The following TCF4 variants were observed in gnomAD, a reference collection of about 807,000 sequenced individuals.
TCF4 encodes the protein SL3-3 enhancer factor 2.
Under a neutral mutation model 82.1 loss-of-function variants are expected in TCF4, and 3 were observed. The observed-to-expected ratio is 0.04, with a 90% CI of 0.02 to 0.09. The LOEUF (loss-of-function observed/expected upper bound fraction) is 0.09, where lower values mean the gene tolerates loss of function less well. Ranked by LOEUF, TCF4 falls within the 10% of genes least tolerant of loss-of-function variation. The probability of loss-of-function intolerance (pLI) is 1.00; values close to 1 mark genes in which losing one functional copy is unlikely to be tolerated. For missense variants in TCF4, 518 were observed against 852.7 expected (o/e 0.61, Z 4.89); for synonymous variants, 276 against 309.6 (o/e 0.89, Z 1.14).
chr18:55,252,544 C>T (rs932874937), intron 15 of TCF4, among the ~76,000 whole-genome samples: 11 of 152,184 alleles, frequency 7.2e-5, no homozygotes, highest in African/African-American at 2.6e-4. Context: ...ACCTCTGAAT[C>T]TGACTCAAAA....
intron 3 of TCF4, among the ~76,000 whole-genome samples, chr18:55,485,257 T>C (rs980905909): frequency 5.3e-5 from 8 of 152,214 alleles, no homozygotes; most frequent in African/African-American, 1.9e-4. Context: ...CATTTCCCTA[T>C]GTTTAAGTCC....
Position 55,279,589 on chromosome 18 carries a change from G to A in TCF4, c.617C>T (p.Pro206Leu), listed in dbSNP as rs375899327. 6.2e-7 allele frequency: 1 copy of A among 1,613,874 alleles called. No homozygotes were observed. The highest frequency in any genetic ancestry group is 8.5e-7 in the Non-Finnish European group (1 of 1,179,918). The change falls in exon 9 of 20, where the codon CCA becomes CTA. Residue 206 changes from proline (P) to leucine (L), a missense_variant. Physicochemically the swap from Pro to Leu is moderately conservative, Grantham distance 98 (BLOSUM62 -3). Coordinates refer to ENST00000354452, the MANE Select transcript of TCF4 (RefSeq NM_001083962.2). ...RDSPGYPSSK[P>L]ATSTFPSSFF... ...GGAGCTAGGGAAAGTGCTGGTTGCT[G>A]GTTTGGAGGAAGGATAGCCTGGCGA... is the stretch of plus-strand genomic sequence containing the variant.
intron 2 of TCF4, among the ~76,000 whole-genome samples, chr18:55,603,002 A>C (rs2097698752): frequency 6.6e-6 from 1 of 152,204 alleles, no homozygotes; most frequent in Non-Finnish European, 1.5e-5. Context: ...TCCCCATTCA[A>C]TTCAAGATGA....
At chr18:55,249,335 C>CA (rs2054292649) in intron 15 of TCF4, among the ~76,000 whole-genome samples, 1 of 152,080 alleles carries the variant, frequency 6.6e-6, no homozygotes, top group Non-Finnish European at 1.5e-5. Flanking sequence ...CAAAGTAAAA[C>CA]AAAAATTGTT....
chr18:55,379,769 C>T (rs567849247), intron 6 of TCF4, among the ~76,000 whole-genome samples: 12 of 152,190 alleles, frequency 7.9e-5, no homozygotes, highest in Non-Finnish European at 1.5e-4. Context: ...TAACAAAATA[C>T]GAAAGACTGG....
intron 8 of TCF4, among the ~76,000 whole-genome samples, chr18:55,343,260 T>A (rs892851628): frequency 2.6e-5 from 4 of 152,144 alleles, no homozygotes; most frequent in Non-Finnish European, 5.9e-5. Context: ...GGCAACACAC[T>A]GAGAAATTTT....
intron 5 of TCF4, among the ~76,000 whole-genome samples, chr18:55,412,243 T>A (rs2094376687): frequency 6.6e-6 from 1 of 152,144 alleles, no homozygotes. Flanking sequence ...CAAGGACTTG[T>A]TGATCCCCAA....
chr18:55,290,033 T>G (rs529419675), intron 8 of TCF4, among the ~76,000 whole-genome samples: 123 of 152,286 alleles, frequency 8.1e-4, no homozygotes, highest in Middle Eastern at 3.4e-3. Flanking sequence ...AAGAATAACA[T>G]CATAACACAG....
intron 3 of TCF4, among the ~76,000 whole-genome samples, chr18:55,536,083 C>A (rs542165953): frequency 2.0e-5 from 3 of 152,072 alleles, no homozygotes; most frequent in African/African-American, 7.2e-5. Context: ...ACTAAAGTTG[C>A]GTTATTTTTC....
chr18:55,371,473 A>G (rs2089141638), intron 6 of TCF4, among the ~76,000 whole-genome samples: 1 of 152,162 alleles, frequency 6.6e-6, no homozygotes, highest in Admixed American at 6.5e-5. Context: ...TAAAGAAATC[A>G]TGCCTGTGGA....
intron 8 of TCF4, among the ~76,000 whole-genome samples, chr18:55,317,614 A>G (rs1020180917): frequency 6.6e-6 from 1 of 152,050 alleles, no homozygotes; most frequent in Admixed American, 6.5e-5. Flanking sequence ...TTTTTATCTT[A>G]GCACTTCCTG....
At chr18:55,372,547 G>A (rs1203295359) in intron 6 of TCF4, among the ~76,000 whole-genome samples, 1 of 151,960 alleles carries the variant, frequency 6.6e-6, no homozygotes, top group Non-Finnish European at 1.5e-5. Context: ...TCAAAAAGGT[G>A]AGCTAACTAC....
In TCF4 at chr18:55,224,235, T is replaced by C. The variant is rs1346241752; in HGVS notation, c.*3800A>G. The C allele has an allele frequency of 6.6e-6, 1 of 152,170 alleles. No homozygotes were observed. The highest frequency in any genetic ancestry group is 1.9e-4 in the East Asian group (1 of 5,186). The allele number at this position is 152,170 out of a possible 1,614,324, so 9.4% of individuals were successfully genotyped here. Reference sequence around the variant, plus strand: ...CAAGAATGAAAAAGGCCACAGTTCATATATTTTCACCATTACATATGTCTA... The same window carrying C: ...CAAGAATGAAAAAGGCCACAGTTCACATATTTTCACCATTACATATGTCTA... On this transcript the variant is annotated 3_prime_UTR_variant, in exon 20 of 20. Transcript: ENST00000354452.
intron 3 of TCF4, among the ~76,000 whole-genome samples, chr18:55,552,318 T>C (rs2097267104): frequency 6.6e-6 from 1 of 152,236 alleles, no homozygotes; most frequent in Admixed American, 6.5e-5. Context: ...AGGTCATTAA[T>C]ATATAATACA....
At chr18:55,597,666 C>CA (rs1044304302) in intron 2 of TCF4, among the ~76,000 whole-genome samples, 109 of 127,004 alleles carry the variant, frequency 8.6e-4, no homozygotes, top group East Asian at 2.0e-3. Context: ...GACTCTGTCT[C>CA]AAAAAAAAAA....
chr18:55,495,323 A>G (rs72930784), intron 3 of TCF4, among the ~76,000 whole-genome samples: 5,085 of 152,128 alleles, frequency 0.033, 112 homozygotes, highest in Non-Finnish European at 0.052. Flanking sequence ...AAAAAAAAAA[A>G]AAGAAGGTAT....
At chr18:55,349,159 A>G (rs2081819615) in intron 8 of TCF4, among the ~76,000 whole-genome samples, 1 of 152,158 alleles carries the variant, frequency 6.6e-6, no homozygotes, top group Non-Finnish European at 1.5e-5. Flanking sequence ...TTATTTACAC[A>G]ATATTTTTCT....
At chr18:55,407,721 G>C (rs2094163981) in intron 5 of TCF4, among the ~76,000 whole-genome samples, 1 of 151,764 alleles carries the variant, frequency 6.6e-6, no homozygotes, top group African/African-American at 2.4e-5. Flanking sequence ...TCCCAAGAAG[G>C]AGCAGGAAAA....
intron 3 of TCF4, among the ~76,000 whole-genome samples, chr18:55,489,016 G>A (rs905864722): frequency 2.0e-5 from 3 of 152,046 alleles, no homozygotes; most frequent in Non-Finnish European, 2.9e-5. Flanking sequence ...ATACAAATAC[G>A]AATCCCAAGA....
Sources: gnomAD v4.1 joint callset for allele counts (sites outside exome capture counted in the v4.1 genomes callset) on GRCh38, gnomAD v4.1.1 for gene constraint, MANE v1.5 for transcripts, NCBI Gene and HGNC (gene_info 2026-07-23, HGNC 2026-07-21) for gene names.